The following PDCD7 variants were observed in gnomAD, a reference collection of about 807,000 sequenced individuals.
The protein encoded by PDCD7 is programmed cell death 7.
In PDCD7, 40 loss-of-function variants were observed where a neutral mutation model predicts 42.1. The observed-to-expected ratio is 0.95, with a 90% confidence interval of 0.74 to 1.24. The LOEUF is 1.24. Ranked by LOEUF, PDCD7 falls within the 50% of genes most tolerant of loss-of-function variation. PDCD7 has a pLI of 0.00. For missense variants in PDCD7, 644 were observed against 662.8 expected, an observed-to-expected ratio of 0.97 and a Z score of 0.31; for synonymous variants, 299 against 303.3, an observed-to-expected ratio of 0.99 and a Z score of 0.15.
chr15:65,119,334 C>T (rs762520224), intron 4 of PDCD7, 42 bp downstream of exon 4: 1 of 1,368,874 alleles, frequency 7.3e-7, no homozygotes, highest in South Asian at 1.2e-5. Context: ...GTGCTTCCTG[C>T]TACCTAAGAG....
Position 65,118,647 on chromosome 15 carries a change from A to C in PDCD7, c.*70T>G. On this transcript the variant is annotated 3_prime_UTR_variant, in exon 5 of 5. Coordinates refer to ENST00000204549, the MANE Select transcript of PDCD7 (RefSeq NM_005707.2). ...AAGTTGCAGTTTAGTCTACAGCAAA[A>C]GATGGCACCATCGCTAATATTTACA... 6.8e-7 allele frequency: 1 copy of C among 1,466,592 alleles called. No individual in the cohort carries two copies. Among genetic ancestry groups the C allele is most frequent in the Non-Finnish European group, 9.1e-7 (1 of 1,100,348 alleles). 90.8% of individuals were successfully genotyped at this position (1,466,592 alleles called of 1,614,324 possible).
intron 3 of PDCD7, 85 bp from the exon 4 acceptor site, chr15:65,119,548 A>G: frequency 8.1e-7 from 1 of 1,234,498 alleles, no homozygotes; most frequent in Non-Finnish European, 1.2e-6. Context: ...GCCTATGATT[A>G]CGACAGAATG....
At chr15:65,124,833 C>T (rs570489371) in intron 2 of PDCD7, among the ~76,000 whole-genome samples, 1 of 152,222 alleles carries the variant, frequency 6.6e-6, no homozygotes, top group African/African-American at 2.4e-5. Flanking sequence ...CAAAGCAAAA[C>T]CCCAACAGCC....
Position 65,124,736 on chromosome 15 carries a change from T to C in PDCD7, c.1009+4296A>G, listed in dbSNP as rs77827211. 2.9e-3 allele frequency among the ~76,000 whole-genome samples: 441 copies of C among 152,276 alleles called. 3 individuals carry two copies. Among genetic ancestry groups the C allele is most frequent in the African/African-American group, 9.5e-3 (393 of 41,540 alleles). Reference sequence around the variant, plus strand: ...TACTTCCTTCTCCCCAGAGACCCATTTGGCAGCTTCATCAAAACCTCCGGA... The same window carrying C: ...TACTTCCTTCTCCCCAGAGACCCATCTGGCAGCTTCATCAAAACCTCCGGA... On this transcript the variant is annotated intron_variant, in intron 2 of 4. Transcript: ENST00000204549.
At chr15:65,121,999 G>C (rs2087458799) in intron 2 of PDCD7, among the ~76,000 whole-genome samples, 1 of 152,118 alleles carries the variant, frequency 6.6e-6, no homozygotes, top group African/African-American at 2.4e-5. Context: ...GTCAGTCCTT[G>C]AAGATTTTAA....
At chr15:65,127,908 CA>C (rs1410457189) in intron 2 of PDCD7, among the ~76,000 whole-genome samples, 1 of 152,134 alleles carries the variant, frequency 6.6e-6, no homozygotes, top group African/African-American at 2.4e-5. Context: ...GATGGGTAGA[CA>C]AAGCAGATGC....
chr15:65,123,388 A>G (rs2087472514), intron 2 of PDCD7, among the ~76,000 whole-genome samples: 1 of 152,036 alleles, frequency 6.6e-6, no homozygotes, highest in Non-Finnish European at 1.5e-5. Flanking sequence ...GTGTTTCACC[A>G]TGTTGGCCAG....
chr15:65,119,418 T>C lies in PDCD7; in HGVS notation c.1292A>G (p.Tyr431Cys). The C allele has an allele frequency of 6.2e-7, 1 of 1,614,018 alleles. No individual in the cohort carries two copies. The highest frequency in any genetic ancestry group is 1.1e-5 in the South Asian group (1 of 91,064). Residue 431 changes from tyrosine to cysteine, a missense_variant, in exon 4 of 5, where the codon TAT becomes TGT. Physicochemically the swap from Tyr to Cys is radical, Grantham distance 194. Coordinates refer to ENST00000204549, the MANE Select transcript of PDCD7 (RefSeq NM_005707.2). ...TGGCAGGGAGTGCTCGGCTTGGAGA[T>C]AATACTGTCGGAAAGGCTCCAAGAG... The part of the protein sequence containing the change: ...AHLLEPFRQY[Y>C]LQAEHSLPAL...
At chr15:65,126,669 G>A (rs1322119734) in intron 2 of PDCD7, among the ~76,000 whole-genome samples, 3 of 151,402 alleles carry the variant, frequency 2.0e-5, no homozygotes, top group Non-Finnish European at 2.9e-5. Flanking sequence ...TGGGAGGATC[G>A]CTCCTGCCTG....
intron 1 of PDCD7, among the ~76,000 whole-genome samples, chr15:65,132,160 C>T (rs1305371803): frequency 6.7e-6 from 1 of 149,840 alleles, no homozygotes; most frequent in African/African-American, 2.5e-5. Context: ...TGCTCCGAAA[C>T]ACCATTGCTG....
At chr15:65,124,474 C>T (rs903682849) in intron 2 of PDCD7, among the ~76,000 whole-genome samples, 7 of 151,758 alleles carry the variant, frequency 4.6e-5, no homozygotes, top group African/African-American at 1.7e-4. Context: ...AACAGCACTT[C>T]TCACACAGTC....
At chr15:65,128,745 G>A (rs552343141) in intron 2 of PDCD7, among the ~76,000 whole-genome samples, 1 of 152,348 alleles carries the variant, frequency 6.6e-6, no homozygotes, top group East Asian at 1.9e-4. Context: ...AGCCCACTCA[G>A]AAGAGTGTGG....
intron 1 of PDCD7, among the ~76,000 whole-genome samples, chr15:65,130,014 T>C (rs2087526344): frequency 6.7e-6 from 1 of 149,636 alleles, no homozygotes; most frequent in Non-Finnish European, 1.5e-5. Context: ...GCCCAGTTAA[T>C]TGTGTTTTTT....
intron 1 of PDCD7, among the ~76,000 whole-genome samples, chr15:65,130,427 G>T (rs1363559095): frequency 6.6e-6 from 1 of 151,888 alleles, no homozygotes; most frequent in African/African-American, 2.4e-5. Flanking sequence ...CAAAGTGTTG[G>T]GATTACAGGC....
intron 2 of PDCD7, among the ~76,000 whole-genome samples, chr15:65,126,083 A>T (rs1045713609): frequency 5.3e-5 from 8 of 152,198 alleles, no homozygotes; most frequent in Admixed American, 2.0e-4. Flanking sequence ...TGTGGGAATT[A>T]TGGGAGCTAC....
intron 4 of PDCD7, 146 bp downstream of exon 4, chr15:65,119,230 A>G (rs1176424563): frequency 6.8e-6 from 4 of 585,932 alleles, no homozygotes; most frequent in Non-Finnish European, 3.1e-6. Flanking sequence ...TGAAACATGG[A>G]AACATTATAA....
At chr15:65,126,348 A>G (rs1033449777) in intron 2 of PDCD7, among the ~76,000 whole-genome samples, 3 of 152,138 alleles carry the variant, frequency 2.0e-5, no homozygotes, top group African/African-American at 7.2e-5. Flanking sequence ...TCATGGCTAC[A>G]TGCTAATGAA....
Position 65,119,427 on chromosome 15 carries a change from C to A in PDCD7, c.1283G>T (p.Arg428Leu). The change falls in exon 4 of 5, where the codon CGA (arginine) becomes CTA (leucine). Residue 428 changes from arginine (R) to leucine (L), a missense_variant. Arg to Leu is a moderately radical substitution (Grantham distance 102, BLOSUM62 -2). Transcript: ENST00000204549. Reference sequence around the variant, plus strand: ...GTGCTCGGCTTGGAGATAATACTGTCGGAAAGGCTCCAAGAGGTGAGCAAG... The same window carrying A: ...GTGCTCGGCTTGGAGATAATACTGTAGGAAAGGCTCCAAGAGGTGAGCAAG... ...FPLAHLLEPF[R>L]QYYLQAEHSL... The A allele has an allele frequency of 6.2e-7, 1 of 1,613,936 alleles. No homozygotes were observed. Among genetic ancestry groups the A allele is most frequent in the South Asian group, 1.1e-5 (1 of 91,060 alleles).
rs2087415982 is a variant in PDCD7, at chr15:65,117,445, C to T, written c.*1272G>A. ...AACAAAATAATTGGCAAAAACCAAA[C>T]CAAAACAGAACCAAAAAAATGACAT... On this transcript the variant is annotated 3_prime_UTR_variant, in exon 5 of 5. Coordinates refer to ENST00000204549, the MANE Select transcript of PDCD7 (RefSeq NM_005707.2). 6.6e-6 allele frequency: 1 copy of T among 152,030 alleles called. No individual in the cohort carries two copies. Among genetic ancestry groups the T allele is most frequent in the African/African-American group, 2.4e-5 (1 of 41,346 alleles). 9.4% of individuals were successfully genotyped at this position (152,030 alleles called of 1,614,324 possible).
Sources: allele counts gnomAD v4.1 joint callset (sites outside exome capture counted in the v4.1 genomes callset), GRCh38; gene constraint gnomAD v4.1.1; transcripts MANE v1.5; gene names NCBI Gene and HGNC (gene_info 2026-07-23, HGNC 2026-07-21).